The following CNOT7 variants were observed in gnomAD, a reference collection of about 807,000 sequenced individuals.
CNOT7 encodes the protein CCR4-NOT transcription complex subunit 7, also known as BTG1-binding factor 1.
CNOT7 carries 4 observed loss-of-function variants against 37.1 expected under a neutral mutation model. The ratio of observed to expected loss-of-function variants is 0.11; its 90% CI spans 0.05 to 0.25. CNOT7 has a LOEUF of 0.25. CNOT7 is among the 10% of genes least tolerant of loss of function. The pLI is 1.00. For missense variants in CNOT7, 170 were observed against 336.2 expected (o/e 0.51, Z 3.87); for synonymous variants, 128 against 115.6 (o/e 1.11, Z -0.69).
At position 17,238,509 on chromosome 8, in the gene CNOT7, CTT is replaced by C. The variant is rs75080604; in HGVS notation, c.312-1138_312-1137del. ...CAGAATAAACCCAATGAAGTAGTTTCTTTTTTTTTTTTTTTTTCCAGTGAAAC... is the reference window on the plus strand; with the variant it reads ...CAGAATAAACCCAATGAAGTAGTTTCTTTTTTTTTTTTTTTCCAGTGAAAC... On this transcript the variant is annotated intron_variant, in intron 3 of 6. Coordinates refer to ENST00000361272, the MANE Select transcript of CNOT7 (RefSeq NM_013354.7). Among the ~76,000 whole-genome samples, 45 of 139,376 alleles carry C rather than the reference CTT, an allele frequency of 3.2e-4. 1 individual carries two copies. Among genetic ancestry groups the C allele is most frequent in the Admixed American group, 7.1e-4 (10 of 14,120 alleles). The allele number at this position is 139,376 out of a possible 152,430, so 91.4% of individuals were successfully genotyped here. A position where few individuals can be genotyped will look rare whatever the true frequency, so the allele number is the denominator to read the frequency against.
At position 17,229,297 on chromosome 8, in the gene CNOT7, AAAT is replaced by A. The variant is rs765478657; in HGVS notation, c.*1420_*1422del. ...AAACAAATAATACCCTCTGTTTTGC[AAAT>A]AATGTTTTGTTTAAAAAGGACCACC... On this transcript the variant is annotated 3_prime_UTR_variant, in exon 7 of 7. Transcript: ENST00000361272. 8.5e-5 allele frequency: 13 copies of A among 152,068 alleles called. No individual in the cohort carries two copies. The highest frequency in any genetic ancestry group is 7.2e-4 in the Admixed American group (11 of 15,246). 9.4% of individuals were successfully genotyped at this position (152,068 alleles called of 1,614,324 possible).
chr8:17,243,991 G>A (rs1585849305), intron 2 of CNOT7, among the ~76,000 whole-genome samples: 1 of 152,238 alleles, frequency 6.6e-6, no homozygotes, highest in East Asian at 1.9e-4. Flanking sequence ...TCAAACTAGG[G>A]CTAGCTAAGA....
chr8:17,243,431 CAA>C, intron 2 of CNOT7: 1 of 619,702 alleles, frequency 1.6e-6, no homozygotes, highest in South Asian at 1.5e-5. Flanking sequence ...TAAATTTAAC[CAA>C]ATACTTACTC....
intron 5 of CNOT7, among the ~76,000 whole-genome samples, chr8:17,233,033 T>TAAGA (rs1194691341): frequency 6.6e-6 from 1 of 152,228 alleles, no homozygotes; most frequent in Non-Finnish European, 1.5e-5. Context: ...ATGGTTTTCT[T>TAAGA]AGTTAAGACG....
intron 6 of CNOT7, 104 bp downstream of exon 6, chr8:17,232,323 A>G: frequency 3.2e-6 from 5 of 1,586,500 alleles, no homozygotes; most frequent in Non-Finnish European, 4.3e-6. Context: ...CTCTAATTAT[A>G]TCTTTACTTA....
intron 6 of CNOT7, 118 bp downstream of exon 6, chr8:17,232,309 G>T (rs544785769): frequency 3.8e-6 from 6 of 1,562,468 alleles, no homozygotes; most frequent in East Asian, 2.3e-5. Flanking sequence ...GACTCATATG[G>T]TATCTCTAAT....
chr8:17,245,243 T>A lies in CNOT7; in HGVS notation c.-91A>T. On this transcript the variant is annotated 5_prime_UTR_variant, in exon 2 of 7. Coordinates refer to ENST00000361272, the MANE Select transcript of CNOT7 (RefSeq NM_013354.7). Reference sequence around the variant, plus strand: ...CATAAAATATTTTATCCTTTATTTATGTACCTGTCAAAATAAAAAAACAAT... The same window carrying A: ...CATAAAATATTTTATCCTTTATTTAAGTACCTGTCAAAATAAAAAAACAAT... 1 of 1,325,566 alleles carries A rather than the reference T, an allele frequency of 7.5e-7. No individual in the cohort carries two copies. The highest frequency in any genetic ancestry group is 1.6e-5 in the South Asian group (1 of 61,666). The allele number at this position is 1,325,566 out of a possible 1,614,324, so 82.1% of individuals were successfully genotyped here.
At position 17,225,494 on chromosome 8, in the gene CNOT7, A is replaced by G. The variant is rs1205975338; in HGVS notation, c.*5226T>C. ...CTACAAAGCAATGAAATGGACTTCT[A>G]AAGAGAAATTGCTCAATTGCTTTTA... On this transcript the variant is annotated 3_prime_UTR_variant, in exon 7 of 7. Transcript: ENST00000361272. The G allele has an allele frequency of 1.3e-5, 2 of 151,782 alleles. No individual in the cohort carries two copies. Among genetic ancestry groups the G allele is most frequent in the Admixed American group, 6.6e-5 (1 of 15,220 alleles). 9.4% of individuals were successfully genotyped at this position (151,782 alleles called of 1,614,324 possible). A position where few individuals can be genotyped will look rare whatever the true frequency, so the allele number is the denominator to read the frequency against.
At chr8:17,242,729 A>T (rs1810354048) in intron 3 of CNOT7, 2 of 281,426 alleles carry the variant, frequency 7.1e-6, no homozygotes, top group Non-Finnish European at 1.3e-5. Flanking sequence ...TATTTTTTCT[A>T]TCAGAAGTAC....
chr8:17,238,654 C>G (rs546172510), intron 3 of CNOT7, among the ~76,000 whole-genome samples: 1 of 152,040 alleles, frequency 6.6e-6, no homozygotes, highest in Non-Finnish European at 1.5e-5. Flanking sequence ...GGATAAAAAA[C>G]AGATTCTTCT....
Position 17,228,074 on chromosome 8 carries a change from T to C in CNOT7, c.*2646A>G, listed in dbSNP as rs1008460046. 8.6e-5 allele frequency: 13 copies of C among 151,916 alleles called. No homozygotes were observed. The highest frequency in any genetic ancestry group is 2.9e-4 in the African/African-American group (12 of 41,432). 9.4% of individuals were successfully genotyped at this position (151,916 alleles called of 1,614,324 possible). On this transcript the variant is annotated 3_prime_UTR_variant, in exon 7 of 7. Transcript: ENST00000361272. ...GTGGCTGCATTCCAATAAAAACTTA[T>C]AGACACTAAAATTTGAATTTCATGT... is the stretch of plus-strand genomic sequence containing the variant.
chr8:17,243,269 G>C (rs375379189), intron 2 of CNOT7, 84 bp from the exon 3 acceptor site: 1 of 984,096 alleles, frequency 1.0e-6, no homozygotes, highest in African/African-American at 1.6e-5. Flanking sequence ...GCAAATCAAA[G>C]AATCCTACAG....
intron 5 of CNOT7, among the ~76,000 whole-genome samples, chr8:17,233,136 T>TG (rs1808851328): frequency 6.7e-6 from 1 of 149,524 alleles, no homozygotes; most frequent in Non-Finnish European, 1.5e-5. Context: ...GTGGAAAGAG[T>TG]GGAAAGAAAG....
Position 17,229,478 on chromosome 8 carries a change from T to C in CNOT7, c.*1242A>G, listed in dbSNP as rs1808371410. 3 of 152,344 alleles carry C rather than the reference T, an allele frequency of 2.0e-5. No homozygotes were observed. Among genetic ancestry groups the C allele is most frequent in the Middle Eastern group, 6.8e-3 (2 of 294 alleles). The allele number at this position is 152,344 out of a possible 1,614,324, so 9.4% of individuals were successfully genotyped here. On this transcript the variant is annotated 3_prime_UTR_variant, in exon 7 of 7. Coordinates refer to ENST00000361272, the MANE Select transcript of CNOT7 (RefSeq NM_013354.7). ...ATCATTTCGGGGTAGAGTTAATGAT[T>C]ACCGTAAAGTCTTCCTACACATGCT...
intron 4 of CNOT7, among the ~76,000 whole-genome samples, chr8:17,236,872 T>C (rs1427810735): frequency 6.6e-6 from 1 of 152,162 alleles, no homozygotes; most frequent in Non-Finnish European, 1.5e-5. Context: ...GTTTCCCCCG[T>C]AGAACATTAA....
chr8:17,242,813 T>C (rs1278014487), intron 3 of CNOT7, 179 bp downstream of exon 3: 2 of 437,540 alleles, frequency 4.6e-6, no homozygotes, highest in East Asian at 7.3e-5. Flanking sequence ...AACATCAAAG[T>C]ATTTTTTTTG....
At chr8:17,235,493 A>T (rs1369652790) in intron 4 of CNOT7, among the ~76,000 whole-genome samples, 1 of 152,192 alleles carries the variant, frequency 6.6e-6, no homozygotes, top group Non-Finnish European at 1.5e-5. Context: ...CACATGGAAG[A>T]AGTGAAGGGT....
At position 17,230,685 on chromosome 8, in the gene CNOT7, G is replaced by T. The variant is rs372704628; in HGVS notation, c.*35C>A. 1.9e-6 allele frequency: 3 copies of T among 1,580,274 alleles called. No homozygotes were observed. Among genetic ancestry groups the T allele is most frequent in the South Asian group, 1.2e-5 (1 of 85,698 alleles). On this transcript the variant is annotated 3_prime_UTR_variant, in exon 7 of 7. Coordinates refer to ENST00000361272, the MANE Select transcript of CNOT7 (RefSeq NM_013354.7). The stretch of plus-strand genomic sequence containing the variant: ...ATAAAACCTATATACAAGCATGTGT[G>T]TAGCTCGAAATAAAAATAAAAGGAC...
chr8:17,231,422 A>G (rs929647550), intron 6 of CNOT7: 8 of 583,972 alleles, frequency 1.4e-5, no homozygotes, highest in Non-Finnish European at 1.7e-5. Context: ...GGTTGTTTCA[A>G]TTATCTAATG....
Sources: gnomAD v4.1 joint callset for allele counts (sites outside exome capture counted in the v4.1 genomes callset) on GRCh38, gnomAD v4.1.1 for gene constraint, MANE v1.5 for transcripts, NCBI Gene and HGNC (gene_info 2026-07-23, HGNC 2026-07-21) for gene names.